UNC13D: variants seen among roughly 807,000 people sequenced by gnomAD.
UNC13D encodes unc-13 homolog D.
UNC13D carries 115 observed loss-of-function variants against 151.7 expected under a neutral mutation model. The ratio of observed to expected loss-of-function variants is 0.76; its 90% CI spans 0.65 to 0.88. The LOEUF (loss-of-function observed/expected upper bound fraction) is 0.88, where lower values mean the gene tolerates loss of function less well. Among genes scored for constraint, UNC13D ranks in the 40% least tolerant of loss-of-function variants. The pLI, the probability that UNC13D is intolerant of heterozygous loss-of-function variation, is 0.00. For missense variants in UNC13D, 1,369 were observed against 1,438.7 expected (o/e 0.95, Z 0.78); for synonymous variants, 588 against 612.2 (o/e 0.96, Z 0.58).
intron 19 of UNC13D, 29 bp from the exon 20 acceptor site, chr17:75,835,558 A>G: frequency 6.2e-7 from 1 of 1,603,420 alleles, no homozygotes. Context: ...CAGCGTCGGG[A>G]AGGCTGGGGC....
At chr17:75,835,264 G>A (rs1469349134) in intron 20 of UNC13D, 145 bp downstream of exon 20, 12 of 1,360,464 alleles carry the variant, frequency 8.8e-6, no homozygotes, top group African/African-American at 8.7e-5. Flanking sequence ...CAGAGGCAGC[G>A]TTTTGCACAA....
chr17:75,843,224 G>T lies in UNC13D; in HGVS notation c.196C>A (p.Arg66Ser). Residue 66 changes from arginine to serine, a missense_variant, in exon 3 of 32, where the codon CGC becomes AGC. Coordinates refer to ENST00000207549, the MANE Select transcript of UNC13D (RefSeq NM_199242.3). Reference protein sequence around the residue: ...YEDALYTVLHRLGHPEPNHVT... With the variant: ...YEDALYTVLHSLGHPEPNHVT... The stretch of plus-strand genomic sequence containing the variant: ...TGGTTGGGCTCAGGATGACCCAGGC[G>T]GTGCAAGACAGTGTAGAGTGCGTCC... 1 of 1,611,300 alleles carries T rather than the reference G, an allele frequency of 6.2e-7. No homozygotes were observed. Among genetic ancestry groups the T allele is most frequent in the Non-Finnish European group, 8.5e-7 (1 of 1,179,954 alleles).
At position 75,834,990 on chromosome 17, in the gene UNC13D, C is replaced by T; in HGVS notation, c.1922G>A (p.Ser641Asn). Residue 641 changes from serine to asparagine, a missense_variant, in exon 21 of 32, where the codon AGC (serine) becomes AAC (asparagine). Physicochemically the swap from Ser to Asn is conservative, Grantham distance 46 (BLOSUM62 1). This residue lies in a region of UNC13D where 807 missense variants were observed against 795.5 expected (regional missense o/e 1.01). Transcript: ENST00000207549. ...VDLSTCFAQI[S>N]HTARQLDWPD... ...CCAGTCCAGCTGCCGGGCAGTGTGG[C>T]TGATCTGGGCAAAGCAGGTGGATAG... 1.2e-6 allele frequency: 2 copies of T among 1,614,122 alleles called. No homozygotes were observed. The highest frequency in any genetic ancestry group is 1.3e-5 in the African/African-American group (1 of 75,040).
intron 2 of UNC13D, 69 bp downstream of exon 2, chr17:75,843,415 G>A: frequency 2.5e-6 from 4 of 1,577,178 alleles, no homozygotes; most frequent in Non-Finnish European, 3.4e-6. Flanking sequence ...GCTGCCATCA[G>A]CGTCGGCCGG....
chr17:75,837,322 T>G (rs1002542355), intron 12 of UNC13D, among the ~76,000 whole-genome samples: 2 of 150,676 alleles, frequency 1.3e-5, no homozygotes, highest in African/African-American at 4.9e-5. Flanking sequence ...CGCCTCGGCC[T>G]CCCAAAGTTC....
At chr17:75,835,218 T>C (rs2064898982) in intron 20 of UNC13D, 155 bp from the exon 21 acceptor site, 1 of 1,439,364 alleles carries the variant, frequency 6.9e-7, no homozygotes, top group Non-Finnish European at 9.4e-7. Flanking sequence ...GGCTGCAGGA[T>C]CTCAGGCAAA....
intron 12 of UNC13D, among the ~76,000 whole-genome samples, chr17:75,837,735 CAA>C (rs1461454813): frequency 8.4e-6 from 1 of 118,622 alleles, no homozygotes; most frequent in East Asian, 2.4e-4. Context: ...GCCTGGGCGA[CAA>C]GAGGGAAACT....
At position 75,832,366 on chromosome 17, in the gene UNC13D, C is replaced by G. The variant is rs2064878363; in HGVS notation, c.2447+600G>C. 1 of 153,146 alleles carries G rather than the reference C, an allele frequency of 6.5e-6. No individual in the cohort carries two copies. The highest frequency in any genetic ancestry group is 6.5e-5 in the Admixed American group (1 of 15,442). The allele number at this position is 153,146 out of a possible 1,614,324, so 9.5% of individuals were successfully genotyped here. Reference sequence around the variant, plus strand: ...GACCCATTTAATCCTCAACAGAAGCCAGAACTACTCTCATCTGCACCGGGA... The same window carrying G: ...GACCCATTTAATCCTCAACAGAAGCGAGAACTACTCTCATCTGCACCGGGA... On this transcript the variant is annotated intron_variant, in intron 25 of 31. Coordinates refer to ENST00000207549, the MANE Select transcript of UNC13D (RefSeq NM_199242.3). The surrounding 1 kb of genome is among the most constrained non-coding windows in gnomAD (Gnocchi z 4.3).
intron 27 of UNC13D, 117 bp from the exon 28 acceptor site, chr17:75,830,778 G>T: frequency 7.7e-7 from 1 of 1,297,030 alleles, no homozygotes; most frequent in Non-Finnish European, 1.1e-6. Context: ...GAAAGTATTG[G>T]GTCATGGGAC....
At position 75,830,464 on chromosome 17, in the gene UNC13D, C is replaced by T. The variant is rs2064863303; in HGVS notation, c.2728G>A (p.Glu910Lys). 6.3e-7 allele frequency: 1 copy of T among 1,590,294 alleles called. No homozygotes were observed. The highest frequency in any genetic ancestry group is 8.6e-7 in the Non-Finnish European group (1 of 1,168,974). ...IQQQAETTSE[E>K]LGAVTVKASY... Reference sequence around the variant, plus strand: ...GCCTTGACTGTCACAGCCCCCAGCTCCTCAGAGGTGGTTTCTGCCTGGGGT... The same window carrying T: ...GCCTTGACTGTCACAGCCCCCAGCTTCTCAGAGGTGGTTTCTGCCTGGGGT... The change falls in exon 29 of 32, where the codon GAG becomes AAG. Residue 910 changes from glutamate (E) to lysine (K), a missense_variant. Around this residue, in one of 3 missense-constraint regions of UNC13D, gnomAD observed 807 missense variants for 795.5 expected, o/e 1.01. Transcript: ENST00000207549.
intron 6 of UNC13D, 28 bp downstream of exon 6, chr17:75,842,405 G>T: frequency 6.2e-7 from 1 of 1,600,898 alleles, no homozygotes; most frequent in Non-Finnish European, 8.5e-7. Flanking sequence ...GACCTGGATA[G>T]AGTGGGGGCT....
chr17:75,834,492 C>T lies in UNC13D; in HGVS notation c.2131G>A (p.Val711Met), dbSNP rs775970361. ...VVNDMEQLRL[V>M]IGKLPAQLAW... ...AGCTGGGCGGGCAACTTGCCGATCA[C>T]CAGCCGCAGCTGCTCCATGTCATTC... is the stretch of plus-strand genomic sequence containing the variant. The change falls in exon 23 of 32, where the codon GTG becomes ATG. Residue 711 changes from valine (V) to methionine (M), a missense_variant. Coordinates refer to ENST00000207549, the MANE Select transcript of UNC13D (RefSeq NM_199242.3). 41 of 1,571,986 alleles carry T rather than the reference C, an allele frequency of 2.6e-5. No individual in the cohort carries two copies. The South Asian group carries it at 4.6e-4, about 18-fold the overall frequency.
chr17:75,837,312 C>T (rs1012531438), intron 12 of UNC13D, among the ~76,000 whole-genome samples: 7 of 151,276 alleles, frequency 4.6e-5, no homozygotes, highest in Admixed American at 1.3e-4. Flanking sequence ...GTGATCCACC[C>T]GCCTCGGCCT....
At chr17:75,841,039 G>C in intron 6 of UNC13D, 38 bp from the exon 7 acceptor site, 1 of 1,613,642 alleles carries the variant, frequency 6.2e-7, no homozygotes, top group Non-Finnish European at 8.5e-7. Flanking sequence ...GGCCCTGGAG[G>C]GTGGATGCCC....
chr17:75,838,221 CTT>C (rs953705567), intron 12 of UNC13D, among the ~76,000 whole-genome samples: 17 of 143,138 alleles, frequency 1.2e-4, no homozygotes, highest in Admixed American at 2.8e-4. Flanking sequence ...TGTCCCATCT[CTT>C]TTTTTTTTTT....
chr17:75,838,124 C>T (rs1255379237), intron 12 of UNC13D, among the ~76,000 whole-genome samples: 1 of 152,190 alleles, frequency 6.6e-6, no homozygotes, highest in East Asian at 1.9e-4. Context: ...CCCTGGGCTC[C>T]CTCCGCCTCC....
At position 75,836,847 on chromosome 17, in the gene UNC13D, G is replaced by A; in HGVS notation, c.1127C>T (p.Thr376Ile). 1 of 1,614,030 alleles carries A rather than the reference G, an allele frequency of 6.2e-7. No homozygotes were observed. The highest frequency in any genetic ancestry group is 8.5e-7 in the Non-Finnish European group (1 of 1,180,032). The change falls in exon 13 of 32, where the codon ACC (threonine) becomes ATC (isoleucine). Residue 376 changes from threonine to isoleucine, a missense_variant. By Grantham distance (89) the Thr-to-Ile change is moderately conservative. Transcript: ENST00000207549. ...FPSSCLLHPI[T>I]SIEYQWIQGR... ...CTGGATCCACTGGTACTCGATGCTG[G>A]TGATGGGGTGCAGGAGGCAGCTGCT...
At chr17:75,837,009 A>AGGGCCCCTGGTGGATGGTTC in intron 12 of UNC13D, 91 bp from the exon 13 acceptor site, 1 of 560,122 alleles carries the variant, frequency 1.8e-6, no homozygotes, top group Non-Finnish European at 2.5e-6. Flanking sequence ...ATCGCCTCCC[A>AGGGCCCCTGGTGGATGGTTC]TCCACCAGTA....
At chr17:75,839,789 G>C (rs745366305) in intron 12 of UNC13D, 50 bp downstream of exon 12, 13 of 1,585,532 alleles carry the variant, frequency 8.2e-6, no homozygotes, top group African/African-American at 1.3e-5. Context: ...GAGGGCAGGG[G>C]GCGTGGGGGG....
Sources: gnomAD v4.1 joint callset for allele counts (sites outside exome capture counted in the v4.1 genomes callset) on GRCh38, gnomAD v4.1.1 for gene constraint, gnomAD v4.1.1 regional missense constraint, Gnocchi (gnomAD v3.1) non-coding constraint, MANE v1.5 for transcripts, NCBI Gene and HGNC (gene_info 2026-07-23, HGNC 2026-07-21) for gene names.